The following CNTNAP3 variants were observed in gnomAD, a reference collection of about 807,000 sequenced individuals.
CNTNAP3 encodes the protein contactin-associated protein-like 3.
A neutral mutation model predicts 92.1 loss-of-function variants in CNTNAP3; 36 were observed. The ratio of observed to expected loss-of-function variants is 0.39; its 90% CI spans 0.30 to 0.52. The LOEUF is 0.52. Ranked by LOEUF, CNTNAP3 falls within the 20% of genes least tolerant of loss-of-function variation. The probability of loss-of-function intolerance (pLI) is 0.76; values close to 1 mark genes in which losing one functional copy is unlikely to be tolerated. For missense variants in CNTNAP3, 534 were observed against 1,069.6 expected (o/e 0.50, Z 6.98); for synonymous variants, 232 against 422.3 (o/e 0.55, Z 5.53).
intron 14 of CNTNAP3, among the ~76,000 whole-genome samples, chr9:39,112,089 T>C (rs143627736): frequency 0.024 from 3,705 of 151,600 alleles, 69 homozygotes; most frequent in Middle Eastern, 0.041. Flanking sequence ...CACTTGGAAA[T>C]AGTGCTTTCA....
At chr9:39,090,921 G>A (rs956165165) in intron 18 of CNTNAP3, among the ~76,000 whole-genome samples, 3 of 152,150 alleles carry the variant, frequency 2.0e-5, no homozygotes, top group Admixed American at 2.0e-4. Context: ...GTATTGCTAT[G>A]TATGTTATTC....
intron 21 of CNTNAP3, among the ~76,000 whole-genome samples, chr9:39,081,597 G>A (rs945345934): frequency 6.6e-6 from 1 of 151,166 alleles, no homozygotes; most frequent in African/African-American, 2.4e-5. Flanking sequence ...ACTGGCACTT[G>A]ACGTTGTGGG....
intron 10 of CNTNAP3, among the ~76,000 whole-genome samples, chr9:39,146,052 G>C (rs750956690): frequency 2.0e-5 from 3 of 151,728 alleles, no homozygotes; most frequent in Non-Finnish European, 4.4e-5. Context: ...CAAAATATTT[G>C]GAAATAAGAA....
Position 39,174,429 on chromosome 9 carries a change from C to A in CNTNAP3, c.1071+1520G>T, listed in dbSNP as rs755842807. 60 of 612,844 alleles carry A rather than the reference C, an allele frequency of 9.8e-5. 1 individual carries two copies. Among genetic ancestry groups the A allele is most frequent in the Non-Finnish European group, 1.6e-4 (54 of 336,380 alleles). 38.0% of individuals were successfully genotyped at this position (612,844 alleles called of 1,614,324 possible). On this transcript the variant is annotated intron_variant, in intron 7 of 23. Transcript: ENST00000297668. The stretch of plus-strand genomic sequence containing the variant: ...CTTGGAAAGTTCATGGGCTTCACAG[C>A]TGTTTTTCCCTTTTTCTCATGCTAA...
intron 18 of CNTNAP3, among the ~76,000 whole-genome samples, chr9:39,096,407 T>A (rs556201975): frequency 6.6e-5 from 10 of 152,108 alleles, no homozygotes; most frequent in African/African-American, 2.4e-4. Context: ...CTATCTTTTT[T>A]AATTTTTAGT....
chr9:39,129,580 T>C (rs1004688319), intron 13 of CNTNAP3, among the ~76,000 whole-genome samples: 2 of 152,174 alleles, frequency 1.3e-5, no homozygotes, highest in Admixed American at 6.5e-5. Flanking sequence ...AGGTAAAGAA[T>C]TTTTAGAATT....
At chr9:39,130,220 C>A (rs1186692540) in intron 13 of CNTNAP3, among the ~76,000 whole-genome samples, 4 of 151,858 alleles carry the variant, frequency 2.6e-5, no homozygotes, top group Non-Finnish European at 5.9e-5. Flanking sequence ...TCATAATTGC[C>A]CCAAACTGTA....
At chr9:39,147,304 A>G (rs149121527) in intron 10 of CNTNAP3, among the ~76,000 whole-genome samples, 12 of 125,676 alleles carry the variant, frequency 9.5e-5, no homozygotes, top group Admixed American at 7.3e-4. Context: ...AAAGGCTGAC[A>G]TGCTTACAGG....
intron 13 of CNTNAP3, among the ~76,000 whole-genome samples, chr9:39,131,600 C>T (rs1235749761): frequency 6.6e-6 from 1 of 151,980 alleles, no homozygotes; most frequent in East Asian, 1.9e-4. Context: ...CTGAGGCGGG[C>T]GGATCACCTG....
Position 39,067,733 on chromosome 9 carries a change from G to T in CNTNAP3, c.*6157C>A, listed in dbSNP as rs1825540701. ...GTTTTATGTTACTGGAAATACATGT[G>T]AACTTTGCTCAGAGATGCCAATTAG... On this transcript the variant is annotated 3_prime_UTR_variant, in exon 24 of 24. Transcript: ENST00000297668. 1.3e-5 allele frequency among the ~76,000 whole-genome samples: 2 copies of T among 152,310 alleles called. No homozygotes were observed. Among genetic ancestry groups the T allele is most frequent in the East Asian group, 1.9e-4 (1 of 5,206 alleles).
At chr9:39,115,126 A>T (rs1306630698) in intron 14 of CNTNAP3, among the ~76,000 whole-genome samples, 1 of 151,928 alleles carries the variant, frequency 6.6e-6, no homozygotes, top group African/African-American at 2.4e-5. Context: ...TATGCTTTAG[A>T]CGAGTTGCTG....
rs972283067 is a variant in CNTNAP3, at chr9:39,073,087, C to A, written c.*803G>T. ...AAACAGGCAGACAATCTTGTATTGA[C>A]ATCCTCTTGCATCTTGTTACCTACC... On this transcript the variant is annotated 3_prime_UTR_variant, in exon 24 of 24. Coordinates refer to ENST00000297668, the MANE Select transcript of CNTNAP3 (RefSeq NM_033655.5). 1 of 152,870 alleles carries A rather than the reference C, an allele frequency of 6.5e-6. No homozygotes were observed. The highest frequency in any genetic ancestry group is 1.5e-5 in the Non-Finnish European group (1 of 68,170). 9.5% of individuals were successfully genotyped at this position (152,870 alleles called of 1,614,324 possible).
At chr9:39,107,079 C>T (rs1334128214) in intron 15 of CNTNAP3, among the ~76,000 whole-genome samples, 3 of 151,884 alleles carry the variant, frequency 2.0e-5, no homozygotes, top group Non-Finnish European at 2.9e-5. Context: ...AGATGAATGT[C>T]GAGAAGAATT....
chr9:39,074,922 C>T (rs528625169), intron 23 of CNTNAP3, among the ~76,000 whole-genome samples: 2 of 152,296 alleles, frequency 1.3e-5, no homozygotes, highest in Non-Finnish European at 1.5e-5. Flanking sequence ...GCACCCGCCA[C>T]CGCGCCCGGC....
intron 18 of CNTNAP3, among the ~76,000 whole-genome samples, chr9:39,096,483 C>T (rs1196986678): frequency 6.6e-6 from 1 of 151,952 alleles, no homozygotes; most frequent in Non-Finnish European, 1.5e-5. Flanking sequence ...TACAACCAAA[C>T]AATGTGTAAT....
intron 13 of CNTNAP3, among the ~76,000 whole-genome samples, chr9:39,125,385 C>T (rs1250207484): frequency 6.6e-6 from 1 of 152,054 alleles, no homozygotes; most frequent in Non-Finnish European, 1.5e-5. Flanking sequence ...GGAGGAATAG[C>T]ATTAGGAGAT....
chr9:39,144,043 G>A (rs1034517869), intron 11 of CNTNAP3, among the ~76,000 whole-genome samples, 197 bp downstream of exon 11: 19 of 151,868 alleles, frequency 1.3e-4, no homozygotes, highest in South Asian at 2.1e-4. Context: ...AATCCTATGC[G>A]TACCACGTAT....
In CNTNAP3 at chr9:39,066,461, T is replaced by A. The variant is rs1183438474; in HGVS notation, c.*7429A>T. 6.6e-6 allele frequency among the ~76,000 whole-genome samples: 1 copy of A among 152,208 alleles called. No homozygotes were observed. Among genetic ancestry groups the A allele is most frequent in the Non-Finnish European group, 1.5e-5 (1 of 68,026 alleles). The stretch of plus-strand genomic sequence containing the variant: ...CTCTTCATTTCTTTGTGTGGATCCA[T>A]GTTTCTATCTGCACAAAGATATTAT... On this transcript the variant is annotated 3_prime_UTR_variant, in exon 24 of 24. Transcript: ENST00000297668.
At chr9:39,081,757 G>A (rs2118398062) in intron 21 of CNTNAP3, among the ~76,000 whole-genome samples, 1 of 151,928 alleles carries the variant, frequency 6.6e-6, no homozygotes, top group African/African-American at 2.4e-5. Flanking sequence ...TGTGCAATAC[G>A]GTAGACACTA....
Sources: allele counts gnomAD v4.1 joint callset (sites outside exome capture counted in the v4.1 genomes callset), GRCh38; gene constraint gnomAD v4.1.1; transcripts MANE v1.5; gene names NCBI Gene and HGNC (gene_info 2026-07-23, HGNC 2026-07-21).